The following LRTM3 variants were observed in gnomAD, a reference collection of about 807,000 sequenced individuals.
LRTM3 encodes the protein leucine rich repeat transmembrane protein 3.
At chr13:102,743,090 T>C in the LRTM3 span, 1 of 1,550,340 alleles carries the variant, frequency 6.5e-7, no homozygotes. Flanking sequence ...CTTTCTAAGA[T>C]ATGTGTTTGC....
At chr13:102,745,972 A>C in the LRTM3 span, 1 of 1,551,120 alleles carries the variant, frequency 6.4e-7, no homozygotes, top group East Asian at 2.4e-5. Flanking sequence ...TCTGATATGC[A>C]TTGAGTATTA....
At chr13:102,744,774 T>C in the LRTM3 span, 4 of 1,550,706 alleles carry the variant, frequency 2.6e-6, no homozygotes, top group Non-Finnish European at 3.5e-6. Flanking sequence ...TTCATTGCAT[T>C]ACTAGATCCA....
the LRTM3 span, chr13:102,745,606 T>G: frequency 6.4e-7 from 1 of 1,551,058 alleles, no homozygotes; most frequent in Non-Finnish European, 8.7e-7. Flanking sequence ...TTTTCATGTC[T>G]GAAAATTGTT....
At chr13:102,748,569 T>G in the LRTM3 span, 2 of 1,550,874 alleles carry the variant, frequency 1.3e-6, no homozygotes, top group Non-Finnish European at 1.7e-6. Context: ...ATTCTATTGT[T>G]CGATTCCATT....
the LRTM3 span, chr13:102,733,847 A>G: frequency 6.4e-7 from 1 of 1,551,410 alleles, no homozygotes. Flanking sequence ...TGGGCGGGGC[A>G]CATACTGTTC....
the LRTM3 span, chr13:102,743,716 A>G: frequency 6.5e-7 from 1 of 1,549,704 alleles, no homozygotes; most frequent in Non-Finnish European, 8.7e-7. Context: ...CAGTTTTTAA[A>G]TAGGATTTAC....
At chr13:102,739,462 A>G in the LRTM3 span, 5 of 1,550,568 alleles carry the variant, frequency 3.2e-6, no homozygotes, top group South Asian at 1.2e-5. Flanking sequence ...TTCCTGACTT[A>G]TCTTTACCTG....
chr13:102,739,660 G>C, the LRTM3 span: 1 of 1,550,438 alleles, frequency 6.4e-7, no homozygotes, highest in Non-Finnish European at 8.7e-7. Flanking sequence ...GCTTCAAAAT[G>C]ATGTTAGGGC....
At chr13:102,735,769 T>C in the LRTM3 span, 2 of 1,545,056 alleles carry the variant, frequency 1.3e-6, no homozygotes, top group East Asian at 2.5e-5. Flanking sequence ...CCTGAATCTT[T>C]AGTGGTGGAA....
At chr13:102,741,403 C>T in the LRTM3 span, 4 of 1,550,142 alleles carry the variant, frequency 2.6e-6, no homozygotes, top group Non-Finnish European at 3.5e-6. Flanking sequence ...GCTCTGCAGG[C>T]ACTTTGTGCT....
At chr13:102,736,832 C>A in the LRTM3 span, 1 of 1,551,112 alleles carries the variant, frequency 6.4e-7, no homozygotes, top group East Asian at 2.4e-5. Flanking sequence ...GTTTGAATCA[C>A]CTGTGATATC....
chr13:102,732,743 ATC>A, the LRTM3 span: 35 of 1,551,170 alleles, frequency 2.3e-5, no homozygotes, highest in Non-Finnish European at 3.1e-5. Flanking sequence ...GGCCTTGTGC[ATC>A]TCTGTTTTCT....
chr13:102,744,982 G>A, the LRTM3 span: 1 of 1,550,742 alleles, frequency 6.4e-7, no homozygotes, highest in Non-Finnish European at 8.7e-7. Context: ...CATTTACTGA[G>A]TCCTCTGATT....
chr13:102,752,553 G>T, the LRTM3 span, among the ~76,000 whole-genome samples: 1 of 152,018 alleles, frequency 6.6e-6, no homozygotes, highest in Non-Finnish European at 1.5e-5. Flanking sequence ...TTAGAATTTG[G>T]GGTATTTTAG....
the LRTM3 span, chr13:102,734,568 C>T: frequency 6.4e-6 from 10 of 1,550,962 alleles, no homozygotes; most frequent in Non-Finnish European, 8.7e-6. Flanking sequence ...CCTCTCATAT[C>T]GATTATTTTT....
chr13:102,731,457 T>C, the LRTM3 span: 1 of 1,551,356 alleles, frequency 6.4e-7, no homozygotes, highest in Non-Finnish European at 8.7e-7. Context: ...GTAAGCTTAT[T>C]TTTTTCTTTG....
At chr13:102,743,600 A>C in the LRTM3 span, 7 of 1,550,334 alleles carry the variant, frequency 4.5e-6, no homozygotes, top group African/African-American at 8.2e-5. Flanking sequence ...TAAAACAGGC[A>C]TGAAGAAATC....
chr13:102,731,736 G>T, the LRTM3 span: 1 of 1,551,258 alleles, frequency 6.4e-7, no homozygotes, highest in Non-Finnish European at 8.7e-7. Flanking sequence ...TTAACTTGAG[G>T]CGGTATGGGC....
chr13:102,748,069 T>C, the LRTM3 span: 1 of 1,551,164 alleles, frequency 6.4e-7, no homozygotes, highest in Non-Finnish European at 8.7e-7. Flanking sequence ...GCTTTGATGC[T>C]GAATGACTGA....
Sources: allele counts gnomAD v4.1 joint callset (sites outside exome capture counted in the v4.1 genomes callset), GRCh38; gene constraint gnomAD v4.1.1; transcripts MANE v1.5; gene names NCBI Gene and HGNC (gene_info 2026-07-23, HGNC 2026-07-21).